ATG7: variants seen among roughly 807,000 people sequenced by gnomAD.
ATG7 encodes autophagy related 7, also known as ubiquitin-like modifier-activating enzyme ATG7.
In ATG7, 70 loss-of-function variants were observed where a neutral mutation model predicts 82.4. The observed-to-expected ratio is 0.85, with a 90% CI of 0.70 to 1.04. ATG7 has a LOEUF of 1.04. Ranked by LOEUF, ATG7 falls within the 50% of genes least tolerant of loss-of-function variation. The pLI, the probability that ATG7 is intolerant of heterozygous loss-of-function variation, is 0.00. For missense variants in ATG7, 792 were observed against 864.3 expected (o/e 0.92, Z 1.05); for synonymous variants, 287 against 313.0 (o/e 0.92, Z 0.88).
At chr3:11,510,043 C>A (rs1390584919) in intron 20 of ATG7, 1 of 315,850 alleles carries the variant, frequency 3.2e-6, no homozygotes, top group Non-Finnish European at 6.3e-6. Context: ...CTGTTTTCCT[C>A]CAAGACTAGG....
Position 11,307,052 on chromosome 3 carries a change from G to A in ATG7, c.325G>A (p.Ala109Thr). Residue 109 changes from alanine to threonine, a missense_variant, in exon 6 of 21, where the codon GCA (alanine) becomes ACA (threonine). Physicochemically the swap from Ala to Thr is moderately conservative, Grantham distance 58. Coordinates refer to ENST00000693202, the MANE Select transcript of ATG7 (RefSeq NM_001349232.2). Reference protein sequence around the residue: ...ADKKLLLEQAANEIWESIKSG... With the variant: ...ADKKLLLEQATNEIWESIKSG... Reference sequence around the variant, plus strand: ...TAAGAAGCTCCTTTTGGAACAAGCAGCAAATGAGGTTAGCTGTGAAAACGT... The same window carrying A: ...TAAGAAGCTCCTTTTGGAACAAGCAACAAATGAGGTTAGCTGTGAAAACGT... 6.2e-7 allele frequency: 1 copy of A among 1,612,464 alleles called. No homozygotes were observed. Among genetic ancestry groups the A allele is most frequent in the Non-Finnish European group, 8.5e-7 (1 of 1,178,464 alleles).
rs1005891334 is a variant in ATG7 at position 11,298,700 on chromosome 3, C to T, written c.5C>T (p.Ala2Val). 2 of 1,612,764 alleles carry T rather than the reference C, an allele frequency of 1.2e-6. No homozygotes were observed. Among genetic ancestry groups the T allele is most frequent in the African/African-American group, 1.3e-5 (1 of 74,968 alleles). Residue 2 changes from alanine to valine, a missense_variant, in exon 4 of 21, where the codon GCG becomes GTG. Coordinates refer to ENST00000693202, the MANE Select transcript of ATG7 (RefSeq NM_001349232.2). The part of the protein sequence containing the change: M[A>V]AATGDPGLSK... ...TTTTTTAATAGGCAAGAAATAATGGCGGCAGCTACGGGGGATCCTGGACTC... is the reference window on the plus strand; with the variant it reads ...TTTTTTAATAGGCAAGAAATAATGGTGGCAGCTACGGGGGATCCTGGACTC...
intron 15 of ATG7, among the ~76,000 whole-genome samples, chr3:11,360,072 A>G (rs1297588662): frequency 1.3e-5 from 2 of 152,170 alleles, no homozygotes; most frequent in African/African-American, 4.8e-5. Flanking sequence ...CAGAGATAGA[A>G]TCTTGCTCTG....
At chr3:11,332,677 C>T (rs1562616) in intron 10 of ATG7, 37,944 of 190,586 alleles carry the variant, frequency 0.2, 4,252 homozygotes, top group South Asian at 0.35. Flanking sequence ...GCATTTTTTC[C>T]GCATTTAAAA....
chr3:11,277,866 A>G (rs1370984306), intron 1 of ATG7, among the ~76,000 whole-genome samples: 1 of 135,384 alleles, frequency 7.4e-6, no homozygotes, highest in East Asian at 2.2e-4. Flanking sequence ...CGTAAGACAG[A>G]CACTCCCAGA....
chr3:11,519,274 G>A (rs1350185032), intron 20 of ATG7, among the ~76,000 whole-genome samples: 1 of 152,042 alleles, frequency 6.6e-6, no homozygotes, highest in African/African-American at 2.4e-5. Flanking sequence ...TTCATGTAAG[G>A]AACTTGGGTA....
Position 11,399,564 on chromosome 3 carries a change from C to CCCTT in ATG7, c.1956+19526_1956+19529dup, listed in dbSNP as rs567897098. 4.9e-3 allele frequency among the ~76,000 whole-genome samples: 741 copies of CCCTT among 151,570 alleles called. 3 individuals are homozygous for CCCTT. The highest frequency in any genetic ancestry group is 7.9e-3 in the Non-Finnish European group (538 of 67,860). On this transcript the variant is annotated intron_variant, in intron 19 of 20. Transcript: ENST00000693202. The stretch of plus-strand genomic sequence containing the variant: ...CCTTTCCTTCCTTCCTTTCCTCCCT[C>CCCTT]CCTTCCTTCCTTCCTTCTTTCCTTC...
At chr3:11,404,271 G>T (rs547417672) in intron 19 of ATG7, among the ~76,000 whole-genome samples, 1 of 151,654 alleles carries the variant, frequency 6.6e-6, no homozygotes, top group Non-Finnish European at 1.5e-5. Flanking sequence ...GAGTAGCTGG[G>T]ATTACAGGTG....
intron 20 of ATG7, chr3:11,446,632 A>G (rs1178180484): frequency 3.1e-6 from 1 of 326,956 alleles, no homozygotes; most frequent in Non-Finnish European, 5.9e-6. Flanking sequence ...GTACTTGAGC[A>G]GACTGCAAGC....
At chr3:11,395,939 CAAAA>C (rs869125190) in intron 19 of ATG7, among the ~76,000 whole-genome samples, 14 of 25,526 alleles carry the variant, frequency 5.5e-4, no homozygotes, top group African/African-American at 1.4e-3. Flanking sequence ...GACTCTGTCT[CAAAA>C]AAAAAAAAAA....
chr3:11,523,542 C>T (rs771839846), intron 20 of ATG7, among the ~76,000 whole-genome samples: 13 of 152,202 alleles, frequency 8.5e-5, no homozygotes, highest in Non-Finnish European at 1.5e-4. Context: ...TCTGTGCTGC[C>T]ATTCCTCAGG....
intron 20 of ATG7, among the ~76,000 whole-genome samples, chr3:11,536,944 A>G (rs2070360568): frequency 6.6e-6 from 1 of 151,704 alleles, no homozygotes; most frequent in African/African-American, 2.4e-5. Flanking sequence ...TATAATCTGA[A>G]CCCGTATACT....
intron 2 of ATG7, among the ~76,000 whole-genome samples, chr3:11,281,793 AG>A (rs1435224981): frequency 2.6e-5 from 4 of 150,996 alleles, no homozygotes; most frequent in African/African-American, 9.7e-5. Context: ...AAAAAAAAAG[AG>A]AAAAGAAACA....
At chr3:11,442,164 G>A (rs889392354) in intron 20 of ATG7, among the ~76,000 whole-genome samples, 3 of 152,078 alleles carry the variant, frequency 2.0e-5, no homozygotes, top group South Asian at 4.1e-4. Flanking sequence ...TACCATGATC[G>A]CTAGGCTGAA....
chr3:11,354,375 C>T (rs1360909169), intron 14 of ATG7, among the ~76,000 whole-genome samples: 1 of 152,030 alleles, frequency 6.6e-6, no homozygotes, highest in East Asian at 1.9e-4. Flanking sequence ...TGAGGCCGGG[C>T]GCAATTGCTC....
At chr3:11,457,858 TGAAGGGC>T (rs1334900816) in intron 20 of ATG7, among the ~76,000 whole-genome samples, 3 of 152,152 alleles carry the variant, frequency 2.0e-5, no homozygotes, top group Admixed American at 2.0e-4. Flanking sequence ...TTGAGCTCCT[TGAAGGGC>T]AAGGACTGTG....
chr3:11,315,621 C>A, intron 9 of ATG7, 128 bp downstream of exon 9: 1 of 861,562 alleles, frequency 1.2e-6, no homozygotes, highest in Non-Finnish European at 1.7e-6. Flanking sequence ...TGTTTAAGAA[C>A]ATTTCCTTAT....
At chr3:11,558,624 T>C (rs746324268), downstream of ATG7, 3 of 1,608,746 alleles carry the variant, frequency 1.9e-6, no homozygotes, top group South Asian at 2.2e-5. Flanking sequence ...GGCTGGCCCC[T>C]GCGAGAGGCG....
Position 11,556,515 on chromosome 3 carries a change from C to CGTCGT in ATG7, c.*1672_*1673insGTCGT. ...TGTTACGACGCTCAGTAGCCTGTAG[C>CGTCGT]AATAACAAACTCGTGGCTATGAATG... On this transcript the variant is annotated 3_prime_UTR_variant, in exon 21 of 21. Transcript: ENST00000693202. 6.6e-6 allele frequency: 1 copy of CGTCGT among 152,658 alleles called. No homozygotes were observed. Among genetic ancestry groups the CGTCGT allele is most frequent in the East Asian group, 1.9e-4 (1 of 5,304 alleles). 9.5% of individuals were successfully genotyped at this position (152,658 alleles called of 1,614,324 possible).
Sources: allele counts gnomAD v4.1 joint callset (sites outside exome capture counted in the v4.1 genomes callset), GRCh38; gene constraint gnomAD v4.1.1; transcripts MANE v1.5; gene names NCBI Gene and HGNC (gene_info 2026-07-23, HGNC 2026-07-21).